The following RASA1 variants were observed in gnomAD, a reference collection of about 807,000 sequenced individuals.
RASA1 encodes ras GTPase-activating protein 1.
In RASA1, 25 loss-of-function variants were observed where a neutral mutation model predicts 132.2. That is an observed-to-expected ratio of 0.19 (90% CI 0.14 to 0.26). The LOEUF is 0.26. Among genes scored for constraint, RASA1 ranks in the 10% least tolerant of loss-of-function variants. The pLI is 1.00. For synonymous variants in RASA1, 477 were observed against 449.9 expected (o/e 1.06, Z -0.76); for missense variants, 964 against 1,299.2 (o/e 0.74, Z 3.97).
At chr5:87,270,646 CTTTTTTTTTTTTTT>C (rs70996415) in intron 1 of RASA1, among the ~76,000 whole-genome samples, 1,821 of 71,672 alleles carry the variant, frequency 0.025, 70 homozygotes, top group African/African-American at 0.071. Context: ...GGTGCCCGGC[CTTTTTTTTTTTTTT>C]TTTTTTTTTT....
chr5:87,377,384 G>C (rs1321928019), intron 17 of RASA1, among the ~76,000 whole-genome samples: 1 of 152,184 alleles, frequency 6.6e-6, no homozygotes. Context: ...AGGCTGCAGT[G>C]CAGTGGCGCA....
chr5:87,389,322 ACTC>A, intron 23 of RASA1, 68 bp from the exon 24 acceptor site: 1 of 1,584,416 alleles, frequency 6.3e-7, no homozygotes, highest in Non-Finnish European at 8.6e-7. Flanking sequence ...CAAGAGCGAA[ACTC>A]TGTCTCAAAA....
chr5:87,297,116 T>C (rs1196003745), intron 1 of RASA1, among the ~76,000 whole-genome samples: 1 of 152,218 alleles, frequency 6.6e-6, no homozygotes, highest in Non-Finnish European at 1.5e-5. Flanking sequence ...AACATTTCTT[T>C]TTATCCTTTC....
intron 1 of RASA1, chr5:87,269,291 G>T (rs1402782160): frequency 2.4e-5 from 37 of 1,536,212 alleles, no homozygotes; most frequent in Non-Finnish European, 1.7e-5. Context: ...AGTTGAGGTG[G>T]TGTCCCAGAA....
At position 87,391,258 on chromosome 5, in the gene RASA1, T is replaced by C. The variant is rs116868431; in HGVS notation, c.*375T>C. The C allele has an allele frequency of 5.2e-4, 205 of 392,106 alleles. 1 individual carries two copies. In the East Asian group the frequency reaches 8.3e-3, roughly 16 times the overall value. 24.3% of individuals were successfully genotyped at this position (392,106 alleles called of 1,614,324 possible). A position where few individuals can be genotyped will look rare whatever the true frequency, so the allele number is the denominator to read the frequency against. Reference sequence around the variant, plus strand: ...GTCTCTTAGAGAAAGAACTATGAAATCAACTGACAAGAAACACATTCTTAT... The same window carrying C: ...GTCTCTTAGAGAAAGAACTATGAAACCAACTGACAAGAAACACATTCTTAT... On this transcript the variant is annotated 3_prime_UTR_variant, in exon 25 of 25. Coordinates refer to ENST00000274376, the MANE Select transcript of RASA1 (RefSeq NM_002890.3).
rs772587965 is a variant in RASA1, at chr5:87,268,826, T to G, written c.375T>G (p.Ala125=). The change falls in exon 1 of 25, where the codon GCT becomes GCG. Residue 125 remains alanine (A), a synonymous_variant. Transcript: ENST00000274376. Reference sequence around the variant, plus strand: ...CCAAACTGCCCACTTCGTTGCTTGCTGAGACTCTCGGGCCAGGCGGCGGTT... The same window carrying G: ...CCAAACTGCCCACTTCGTTGCTTGCGGAGACTCTCGGGCCAGGCGGCGGTT... ...ALTKLPTSLL[A]ETLGPGGGFP... 6.2e-7 allele frequency: 1 copy of G among 1,613,998 alleles called. No homozygotes were observed. The highest frequency in any genetic ancestry group is 1.3e-5 in the African/African-American group (1 of 74,910).
rs1478222644 is a variant in RASA1 at position 87,355,963 on chromosome 5, C to T, written c.1332+2728C>T. ...AGCTTGAAGATGTGACTGAATTACT[C>T]CACTTTTGTGATGAAACTGGAGCGA... On this transcript the variant is annotated intron_variant, in intron 9 of 24. Transcript: ENST00000274376. Among the ~76,000 whole-genome samples the T allele has an allele frequency of 7.2e-5, 11 of 152,170 alleles. 1 individual carries two copies.
At chr5:87,356,383 A>T (rs1047547989) in intron 9 of RASA1, among the ~76,000 whole-genome samples, 13 of 141,720 alleles carry the variant, frequency 9.2e-5, no homozygotes, top group South Asian at 2.2e-4. Context: ...GATGATTGTT[A>T]TTTTTTTTTT....
chr5:87,350,408 A>T (rs1051548354), intron 8 of RASA1, among the ~76,000 whole-genome samples: 1 of 151,888 alleles, frequency 6.6e-6, no homozygotes, highest in Non-Finnish European at 1.5e-5. Flanking sequence ...GGAGATTTAG[A>T]ACATACAAAA....
chr5:87,333,128 T>C, intron 3 of RASA1, 139 bp from the exon 4 acceptor site: 1 of 1,311,300 alleles, frequency 7.6e-7, no homozygotes, highest in Non-Finnish European at 1.0e-6. Flanking sequence ...TGGGTATTTA[T>C]AGTCCAAGTA....
chr5:87,341,114 A>G (rs775558748), intron 5 of RASA1, among the ~76,000 whole-genome samples, 176 bp from the exon 6 acceptor site: 14 of 152,156 alleles, frequency 9.2e-5, no homozygotes, highest in Non-Finnish European at 1.5e-4. Context: ...TAATGGCAAC[A>G]AGAAAAGATT....
intron 11 of RASA1, among the ~76,000 whole-genome samples, chr5:87,367,459 G>C (rs1384014105): frequency 6.6e-6 from 1 of 152,162 alleles, no homozygotes; most frequent in Non-Finnish European, 1.5e-5. Context: ...TGATTAGTGC[G>C]CATGCTCAGC....
At chr5:87,370,023 C>T (rs891725033) in intron 12 of RASA1, 123 bp downstream of exon 12, 1 of 852,038 alleles carries the variant, frequency 1.2e-6, no homozygotes, top group African/African-American at 1.7e-5. Context: ...CTAATCATCT[C>T]TTATTTTAAG....
At chr5:87,358,599 G>A (rs1169593359) in intron 9 of RASA1, among the ~76,000 whole-genome samples, 3 of 152,192 alleles carry the variant, frequency 2.0e-5, no homozygotes, top group African/African-American at 7.2e-5. Flanking sequence ...CTGCGCAGCA[G>A]TCACTGGGAT....
At chr5:87,346,529 ATG>A in intron 6 of RASA1, 141 bp from the exon 7 acceptor site, 1 of 503,144 alleles carries the variant, frequency 2.0e-6, no homozygotes, top group East Asian at 3.3e-5. Flanking sequence ...ATGTATTAAA[ATG>A]TAATAAGAAT....
chr5:87,379,901 GA>G, intron 19 of RASA1, 51 bp downstream of exon 19: 1 of 1,561,794 alleles, frequency 6.4e-7, no homozygotes. Flanking sequence ...TATGTCTTCA[GA>G]AATTTCTATT....
chr5:87,376,999 T>C lies in RASA1; in HGVS notation c.2303T>C (p.Leu768Ser), dbSNP rs982780381. The C allele has an allele frequency of 1.9e-6, 3 of 1,613,844 alleles. No individual in the cohort carries two copies. Among genetic ancestry groups the C allele is most frequent in the South Asian group, 2.2e-5 (2 of 91,082 alleles). ...TTTCTTCACGAAAAGCTTGAATCGT[T>C]GTTGTTATGCACACTAAATGACAGA... Reference protein sequence around the residue: ...RIFLHEKLESLLLCTLNDREI... With the variant: ...RIFLHEKLESSLLCTLNDREI... The change falls in exon 17 of 25, where the codon TTG becomes TCG. Residue 768 changes from leucine to serine, a missense_variant. This residue lies in a region of RASA1 where 346 missense variants were observed against 520.1 expected (regional missense o/e 0.67). Transcript: ENST00000274376.
intron 1 of RASA1, among the ~76,000 whole-genome samples, chr5:87,306,493 G>A (rs1402091187): frequency 6.6e-6 from 1 of 151,896 alleles, no homozygotes; most frequent in African/African-American, 2.4e-5. Context: ...AGAGGACCAG[G>A]AAAAATGACT....
At chr5:87,320,920 C>CTGGA (rs759167413) in intron 1 of RASA1, among the ~76,000 whole-genome samples, 5 of 152,180 alleles carry the variant, frequency 3.3e-5, no homozygotes, top group Non-Finnish European at 7.3e-5. Context: ...AGAAGGGAGG[C>CTGGA]TGGAGCCTTT....
Sources: allele counts gnomAD v4.1 joint callset (sites outside exome capture counted in the v4.1 genomes callset), GRCh38; gene constraint gnomAD v4.1.1; regional missense constraint gnomAD v4.1.1; transcripts MANE v1.5; gene names NCBI Gene and HGNC (gene_info 2026-07-23, HGNC 2026-07-21).